The following TRERF1 variants were observed in gnomAD, a reference collection of about 807,000 sequenced individuals.
The protein encoded by TRERF1 is transcriptional regulating factor 1, also known as transcriptional-regulating factor 1.
TRERF1 carries 27 observed loss-of-function variants against 122.9 expected under a neutral mutation model. That is an observed-to-expected ratio of 0.22 (90% CI 0.16 to 0.30). The LOEUF is 0.30. Ranked by LOEUF, TRERF1 falls within the 10% of genes least tolerant of loss-of-function variation. The probability of loss-of-function intolerance (pLI) is 1.00; values close to 1 mark genes in which losing one functional copy is unlikely to be tolerated. For missense variants in TRERF1, 1,248 were observed against 1,560.3 expected (o/e 0.80, Z 3.37); for synonymous variants, 636 against 641.7 (o/e 0.99, Z 0.13).
exon 18 of TRERF1, chr6:42,227,058 ACCTT>A (rs1769647756): frequency 6.6e-6 from 1 of 152,256 alleles, no homozygotes; most frequent in African/African-American, 2.4e-5. Context: ...CAGGTTTATT[ACCTT>A]CAAGTACAAA....
At chr6:42,242,661 G>A (rs1282580626) in intron 15 of TRERF1, among the ~76,000 whole-genome samples, 6 of 152,204 alleles carry the variant, frequency 3.9e-5, no homozygotes, top group Admixed American at 3.9e-4. Context: ...CGTACTTAAT[G>A]TGCAGTTGAC....
At chr6:42,316,820 C>T (rs1582998402) in intron 3 of TRERF1, among the ~76,000 whole-genome samples, 1 of 152,106 alleles carries the variant, frequency 6.6e-6, no homozygotes, top group African/African-American at 2.4e-5. Context: ...ACCAGCCATT[C>T]CCCTCCACCG....
At chr6:42,400,319 C>T (rs991029591) in intron 2 of TRERF1, among the ~76,000 whole-genome samples, 3 of 152,218 alleles carry the variant, frequency 2.0e-5, no homozygotes, top group African/African-American at 4.8e-5. Flanking sequence ...ATGACAGCTG[C>T]GCAGCCCAGC....
Position 42,364,781 on chromosome 6 carries a change from G to A in TRERF1, c.-453-1702C>T, listed in dbSNP as rs775604292. ...GCCAGCCTGCGTGGGCTATGTTAGC[G>A]AAGGCAGATTATTTCCACACATCCA... On this transcript the variant is annotated intron_variant, in intron 2 of 17. Transcript: ENST00000372922. 2.2e-4 allele frequency among the ~76,000 whole-genome samples: 33 copies of A among 152,208 alleles called. 1 individual carries two copies. The highest frequency in any genetic ancestry group is 1.1e-3 in the Admixed American group (17 of 15,284).
intron 2 of TRERF1, among the ~76,000 whole-genome samples, chr6:42,415,760 T>G (rs1781744807): frequency 1.3e-5 from 2 of 152,152 alleles, no homozygotes; most frequent in Non-Finnish European, 2.9e-5. Flanking sequence ...TATTGTAGTT[T>G]TTTAAAATGT....
At chr6:42,225,333 T>G (rs897565011) in exon 18 of TRERF1, 1 of 151,842 alleles carries the variant, frequency 6.6e-6, no homozygotes, top group African/African-American at 2.4e-5. Context: ...TTTAAACCCC[T>G]GGTAAAATAA....
intron 3 of TRERF1, among the ~76,000 whole-genome samples, chr6:42,301,506 G>A (rs563235516): frequency 3.3e-5 from 5 of 152,310 alleles, no homozygotes; most frequent in African/African-American, 9.6e-5. Flanking sequence ...GGGACTACAG[G>A]CGTGGGCCAC....
intron 13 of TRERF1, among the ~76,000 whole-genome samples, chr6:42,252,668 T>C (rs1776028529): frequency 6.6e-6 from 1 of 151,510 alleles, no homozygotes; most frequent in Non-Finnish European, 1.5e-5. Flanking sequence ...AATGAGGGGG[T>C]TCAGCAGTGG....
chr6:42,287,619 G>A (rs1783502745), intron 4 of TRERF1, among the ~76,000 whole-genome samples: 1 of 152,070 alleles, frequency 6.6e-6, no homozygotes, highest in South Asian at 2.1e-4. Flanking sequence ...TCACTTAACT[G>A]AAACAACTGG....
Position 42,338,131 on chromosome 6 carries a change from T to G in TRERF1, c.-371+24866A>C, listed in dbSNP as rs1766557876. 2.6e-5 allele frequency among the ~76,000 whole-genome samples: 4 copies of G among 152,336 alleles called. No individual in the cohort carries two copies. The South Asian group carries it at 8.3e-4, about 32-fold the overall frequency. On this transcript the variant is annotated intron_variant, in intron 3 of 17. Transcript: ENST00000372922. ...TTACATTTTTCTGATCAAAGGCACC[T>G]GGCTCACTGCTGTGAGGAAGTGGCA...
intron 5 of TRERF1, among the ~76,000 whole-genome samples, chr6:42,266,965 T>C (rs557737061): frequency 1.4e-4 from 21 of 152,344 alleles, no homozygotes; most frequent in African/African-American, 4.3e-4. Context: ...GCCTGGATCA[T>C]GTGGGCAGCT....
At chr6:42,429,539 G>A (rs1349899456) in intron 2 of TRERF1, among the ~76,000 whole-genome samples, 1 of 152,132 alleles carries the variant, frequency 6.6e-6, no homozygotes, top group Non-Finnish European at 1.5e-5. Context: ...TAAATGAACT[G>A]GAAGGGGGAA....
chr6:42,400,457 C>T (rs1779225739), intron 2 of TRERF1, among the ~76,000 whole-genome samples: 1 of 152,324 alleles, frequency 6.6e-6, no homozygotes, highest in African/African-American at 2.4e-5. Flanking sequence ...TTGGCACAAG[C>T]ATTCACGATT....
In TRERF1 at chr6:42,379,224, G is replaced by T. The variant is rs1263432388; in HGVS notation, c.-453-16145C>A. Among the ~76,000 whole-genome samples the T allele has an allele frequency of 2.0e-5, 3 of 152,032 alleles. No individual in the cohort carries two copies. In the East Asian group the frequency reaches 5.8e-4, roughly 29 times the overall value. ...CCTGTCTTTTCCTTGCCAGAAAAGG[G>T]AGTCTAGGCATGGTAGGTACAAGGG... On this transcript the variant is annotated intron_variant, in intron 2 of 17. Coordinates refer to ENST00000372922, the Ensembl canonical transcript of TRERF1.
At chr6:42,274,215 T>C (rs1780751533) in intron 4 of TRERF1, among the ~76,000 whole-genome samples, 1 of 152,226 alleles carries the variant, frequency 6.6e-6, no homozygotes, top group African/African-American at 2.4e-5. Context: ...TGTGTTTTAA[T>C]GAGCCCTCTT....
At chr6:42,374,150 A>AAAGAAGAAGAAGAAG (rs762812010) in intron 2 of TRERF1, among the ~76,000 whole-genome samples, 4 of 143,956 alleles carry the variant, frequency 2.8e-5, no homozygotes, top group African/African-American at 1.0e-4. Flanking sequence ...AAAAAAAAAA[A>AAAGAAGAAGAAGAAG]AAGAAGAAGA....
chr6:42,263,324 A>G lies in TRERF1; in HGVS notation c.1880T>C (p.Val627Ala), dbSNP rs751923081. Residue 627 changes from valine to alanine, a missense_variant, in exon 8 of 18, where the codon GTG (valine) becomes GCG (alanine). Around this residue, in one of 5 missense-constraint regions of TRERF1, gnomAD observed 946 missense variants for 1,073.0 expected, o/e 0.88. Coordinates refer to ENST00000372922, the Ensembl canonical transcript of TRERF1. The surrounding 1 kb of genome is among the most constrained non-coding windows in gnomAD (Gnocchi z 5.6). ...GGGAGAGAGGGTCATCCTCACGAGC[A>G]CAGGCATCTCGTCGTCCGACATCGA... 2 of 1,611,538 alleles carry G rather than the reference A, an allele frequency of 1.2e-6. No individual in the cohort carries two copies. The highest frequency in any genetic ancestry group is 1.7e-6 in the Non-Finnish European group (2 of 1,178,896).
intron 15 of TRERF1, among the ~76,000 whole-genome samples, chr6:42,237,074 T>G (rs1424157333): frequency 2.6e-5 from 4 of 152,226 alleles, no homozygotes; most frequent in Admixed American, 2.6e-4. Context: ...AAGCAGTGTA[T>G]TCAATGTTTC....
chr6:42,243,289 T>C lies in TRERF1; in HGVS notation c.2818A>G (p.Lys940Glu), dbSNP rs200000657. ...ATTTCTGCCAGGCGTGTCCGGTGTT[T>C]CCGCCCCAGCCGCATGATCTTTTTC... is the stretch of plus-strand genomic sequence containing the variant. Residue 940 changes from lysine (K) to glutamate (E), a missense_variant, in exon 15 of 18, where the codon AAA becomes GAA. Physicochemically the swap from Lys to Glu is moderately conservative, Grantham distance 56. This residue lies in a region of TRERF1 where 159 missense variants were observed against 221.7 expected (regional missense o/e 0.72). Transcript: ENST00000372922. The C allele has an allele frequency of 4.4e-5, 71 of 1,613,992 alleles. No homozygotes were observed. In the Admixed American group the frequency reaches 5.5e-4, roughly 13 times the overall value.
Sources: gnomAD v4.1 joint callset for allele counts (sites outside exome capture counted in the v4.1 genomes callset) on GRCh38, gnomAD v4.1.1 for gene constraint, gnomAD v4.1.1 regional missense constraint, Gnocchi (gnomAD v3.1) non-coding constraint, MANE v1.5 for transcripts, NCBI Gene and HGNC (gene_info 2026-07-23, HGNC 2026-07-21) for gene names.